The following CLEC1A variants were observed in gnomAD, a reference collection of about 807,000 sequenced individuals.
CLEC1A encodes the protein C-type lectin domain family 1 member A.
A neutral mutation model predicts 28.7 loss-of-function variants in CLEC1A; 34 were observed. The ratio of observed to expected loss-of-function variants is 1.18; its 90% CI spans 0.90 to 1.57. The LOEUF (loss-of-function observed/expected upper bound fraction) is 1.57. Among genes scored for constraint, CLEC1A ranks in the 40% most tolerant of loss-of-function variants. The pLI is 0.00. For missense variants in CLEC1A, 385 were observed against 339.5 expected, an observed-to-expected ratio of 1.13 and a Z score of -1.05; for synonymous variants, 116 against 121.0, an observed-to-expected ratio of 0.96 and a Z score of 0.27.
chr12:10,098,082 C>A (rs1947802753), intron 1 of CLEC1A, among the ~76,000 whole-genome samples: 1 of 150,664 alleles, frequency 6.6e-6, no homozygotes, highest in Non-Finnish European at 1.5e-5. Context: ...AAGGTATATC[C>A]AGATTTACAA....
In CLEC1A at chr12:10,087,656, G is replaced by C. The variant is rs150951214; in HGVS notation, c.214+1468C>G. On this transcript the variant is annotated intron_variant, in intron 2 of 5. Coordinates refer to ENST00000315330, the MANE Select transcript of CLEC1A (RefSeq NM_016511.4). ...TCCTGCCTTGGCCTCCTGAGTAGTT[G>C]GGATTACAGATGCCCACCACCATGC... Among the ~76,000 whole-genome samples the C allele has an allele frequency of 4.8e-3, 716 of 149,804 alleles. 5 individuals carry two copies. The highest frequency in any genetic ancestry group is 0.016 in the African/African-American group (671 of 40,804).
intron 4 of CLEC1A, among the ~76,000 whole-genome samples, chr12:10,075,153 T>C (rs1260317845): frequency 6.6e-6 from 1 of 152,236 alleles, no homozygotes; most frequent in Non-Finnish European, 1.5e-5. Flanking sequence ...ACTTTTAGAA[T>C]GGAAGAGCAG....
chr12:10,080,759 G>C (rs1359730890), intron 3 of CLEC1A, among the ~76,000 whole-genome samples: 1 of 152,130 alleles, frequency 6.6e-6, no homozygotes, highest in Non-Finnish European at 1.5e-5. Flanking sequence ...ATCATCTGTG[G>C]TCCTTATTAA....
chr12:10,078,091 A>C (rs1448675665), intron 3 of CLEC1A, among the ~76,000 whole-genome samples: 1 of 152,182 alleles, frequency 6.6e-6, no homozygotes, highest in Non-Finnish European at 1.5e-5. Context: ...TATTTCTCCT[A>C]GATTTTAGTA....
At chr12:10,086,730 AAAG>A (rs1234762135) in intron 2 of CLEC1A, among the ~76,000 whole-genome samples, 1 of 152,254 alleles carries the variant, frequency 6.6e-6, no homozygotes, top group African/African-American at 2.4e-5. Flanking sequence ...TCAGACATTC[AAAG>A]AAGAATTGGT....
chr12:10,073,333 C>G lies in CLEC1A; in HGVS notation c.622G>C (p.Ala208Pro), dbSNP rs1250463093. ...GGGGTTCCATCCATCCACAGCCAGG[C>G]CTTGCCACTGTCAGGGCGCAAAAGC... is the stretch of plus-strand genomic sequence containing the variant. The part of the protein sequence containing the change: ...TGLLRPDSGK[A>P]WLWMDGTPFT... The change falls in exon 5 of 6, where the codon GCC becomes CCC. Residue 208 changes from alanine (A) to proline (P), a missense_variant. Coordinates refer to ENST00000315330, the MANE Select transcript of CLEC1A (RefSeq NM_016511.4). 3 of 1,614,002 alleles carry G rather than the reference C, an allele frequency of 1.9e-6. No individual in the cohort carries two copies. Among genetic ancestry groups the G allele is most frequent in the Non-Finnish European group, 1.7e-6 (2 of 1,179,920 alleles).
At chr12:10,080,957 C>T (rs1179403489) in intron 3 of CLEC1A, among the ~76,000 whole-genome samples, 4 of 152,096 alleles carry the variant, frequency 2.6e-5, no homozygotes, top group Non-Finnish European at 4.4e-5. Context: ...TTGAGACATA[C>T]CCCTGTATTT....
chr12:10,089,784 T>C (rs1866575341), intron 1 of CLEC1A, among the ~76,000 whole-genome samples: 1 of 152,198 alleles, frequency 6.6e-6, no homozygotes, highest in South Asian at 2.1e-4. Context: ...AAAGTCCCGC[T>C]ATTGTAAGGA....
chr12:10,081,456 G>A, intron 2 of CLEC1A, 43 bp from the exon 3 acceptor site: 2 of 1,473,300 alleles, frequency 1.4e-6, no homozygotes, highest in African/African-American at 2.9e-5. Context: ...TTATTTCTAT[G>A]TTTTATTTCC....
At chr12:10,093,259 G>A (rs1947730181) in intron 1 of CLEC1A, among the ~76,000 whole-genome samples, 1 of 150,586 alleles carries the variant, frequency 6.6e-6, no homozygotes. Context: ...GCTTTATTGT[G>A]GTTTTATTTT....
At chr12:10,090,408 G>T (rs563544034) in intron 1 of CLEC1A, among the ~76,000 whole-genome samples, 9 of 151,984 alleles carry the variant, frequency 5.9e-5, no homozygotes, top group South Asian at 2.1e-4. Context: ...GTGCCACCAC[G>T]CCTGGCTAAT....
chr12:10,083,359 CAAG>C (rs1866409894), intron 2 of CLEC1A, among the ~76,000 whole-genome samples: 2 of 152,178 alleles, frequency 1.3e-5, no homozygotes, highest in Admixed American at 1.3e-4. Context: ...GGATTCAAAC[CAAG>C]AAGAAATCTT....
chr12:10,097,613 C>T (rs928345385), intron 1 of CLEC1A, among the ~76,000 whole-genome samples: 1 of 152,204 alleles, frequency 6.6e-6, no homozygotes, highest in African/African-American at 2.4e-5. Context: ...CCACCTCCCT[C>T]TCCACCCTTC....
rs1190537121 is a variant in CLEC1A, at chr12:10,071,424, T to C, written c.752A>G (p.Glu251Gly). Residue 251 changes from glutamate (E) to glycine (G), a missense_variant, in exon 6 of 6, where the codon GAA (glutamate) becomes GGA (glycine). Transcript: ENST00000315330. ...TCTCTCACAGACACAACGCTTCAAT[T>C]CTTTGCAGTCCTTTGAGAAGATCAT... ...NGMIFSKDCK[E>G]LKRCVCERRA... 1 of 1,613,988 alleles carries C rather than the reference T, an allele frequency of 6.2e-7. No individual in the cohort carries two copies. The highest frequency in any genetic ancestry group is 1.1e-5 in the South Asian group (1 of 91,062).
Position 10,081,422 on chromosome 12 carries a change from A to T in CLEC1A, c.215-9T>A. 6.3e-7 allele frequency: 1 copy of T among 1,588,806 alleles called. No individual in the cohort carries two copies. The highest frequency in any genetic ancestry group is 1.1e-5 in the South Asian group (1 of 87,262). ...CTGGTAGTACTGAAAAACTAACCCA[A>T]ATGACCAAGTCAGACTGGACAGCTT... is the stretch of plus-strand genomic sequence containing the variant. On this transcript the variant is annotated splice_polypyrimidine_tract_variant and intron_variant, in intron 2 of 5. Coordinates refer to ENST00000315330, the MANE Select transcript of CLEC1A (RefSeq NM_016511.4).
At chr12:10,076,949 G>GTATT (rs80157486) in intron 3 of CLEC1A, among the ~76,000 whole-genome samples, 37,767 of 151,934 alleles carry the variant, frequency 0.25, 4,973 homozygotes, top group African/African-American at 0.34. Context: ...TTGGTACAGT[G>GTATT]TATTAATACC....
chr12:10,078,649 G>A (rs377493393), intron 3 of CLEC1A, among the ~76,000 whole-genome samples: 2 of 152,292 alleles, frequency 1.3e-5, no homozygotes, highest in African/African-American at 2.4e-5. Flanking sequence ...GAGTTTCCCA[G>A]AATGTGGGAC....
intron 1 of CLEC1A, among the ~76,000 whole-genome samples, chr12:10,090,302 A>G (rs1866587660): frequency 6.6e-6 from 1 of 152,204 alleles, no homozygotes; most frequent in South Asian, 2.1e-4. Context: ...TCCAGGCTGG[A>G]GTGCAGTGGC....
intron 1 of CLEC1A, among the ~76,000 whole-genome samples, chr12:10,091,885 A>G (rs1947710719): frequency 1.3e-5 from 2 of 152,134 alleles, no homozygotes; most frequent in African/African-American, 2.4e-5. Flanking sequence ...CATTTAGCTT[A>G]TATGTGTCTT....
Sources: allele counts gnomAD v4.1 joint callset (sites outside exome capture counted in the v4.1 genomes callset), GRCh38; gene constraint gnomAD v4.1.1; transcripts MANE v1.5; gene names NCBI Gene and HGNC (gene_info 2026-07-23, HGNC 2026-07-21).